GRID1: variants seen among roughly 807,000 people sequenced by gnomAD.
GRID1 encodes glutamate ionotropic receptor delta type subunit 1.
GRID1 carries 28 observed loss-of-function variants against 98.0 expected under a neutral mutation model. The observed-to-expected ratio is 0.29, with a 90% confidence interval of 0.21 to 0.39. GRID1 has a LOEUF of 0.39. Ranked by LOEUF, GRID1 falls within the 10% of genes least tolerant of loss-of-function variation. The pLI is 1.00. For missense variants in GRID1, 1,111 were observed against 1,340.5 expected (o/e 0.83, Z 2.67); for synonymous variants, 553 against 538.5 (o/e 1.03, Z -0.37).
chr10:86,014,702 T>A (rs1842959954), intron 4 of GRID1, among the ~76,000 whole-genome samples: 1 of 152,224 alleles, frequency 6.6e-6, no homozygotes, highest in Non-Finnish European at 1.5e-5. Context: ...ACTCAGTCAA[T>A]GGCTCACTTT....
intron 8 of GRID1, among the ~76,000 whole-genome samples, chr10:85,818,607 T>C (rs1451405477): frequency 3.9e-5 from 6 of 152,146 alleles, no homozygotes; most frequent in African/African-American, 1.4e-4. Flanking sequence ...CAGAGCATCT[T>C]ATAGCATGAG....
intron 5 of GRID1, among the ~76,000 whole-genome samples, chr10:85,875,740 C>A (rs1004068893): frequency 3.3e-5 from 5 of 152,316 alleles, no homozygotes; most frequent in Non-Finnish European, 7.4e-5. Context: ...CTTCCAATCA[C>A]CATTATCCCA....
chr10:86,198,231 C>T (rs1204059191), intron 3 of GRID1, among the ~76,000 whole-genome samples: 1 of 152,074 alleles, frequency 6.6e-6, no homozygotes, highest in Non-Finnish European at 1.5e-5. Context: ...GATGGCTCTT[C>T]GGAGCCACCT....
At chr10:86,018,591 G>A (rs886290558) in intron 4 of GRID1, among the ~76,000 whole-genome samples, 9 of 152,212 alleles carry the variant, frequency 5.9e-5, no homozygotes, top group Admixed American at 3.3e-4. Context: ...GCACGTGACT[G>A]CAGGTGCCCA....
intron 2 of GRID1, among the ~76,000 whole-genome samples, chr10:86,262,548 T>G (rs549264517): frequency 1.6e-4 from 25 of 152,284 alleles, no homozygotes; most frequent in African/African-American, 5.3e-4. Flanking sequence ...GGAGGGCGCC[T>G]TCTGGAGGAA....
chr10:85,819,806 C>T (rs112760396), intron 8 of GRID1, among the ~76,000 whole-genome samples: 10,422 of 151,794 alleles, frequency 0.069, 399 homozygotes, highest in Non-Finnish European at 0.082. Flanking sequence ...CCCAGCTACT[C>T]GAGAGGCTGA....
chr10:85,966,074 A>G (rs1343710826), intron 4 of GRID1, among the ~76,000 whole-genome samples: 1 of 152,184 alleles, frequency 6.6e-6, no homozygotes, highest in African/African-American at 2.4e-5. Context: ...CATTGTCACA[A>G]TTTGACGTGT....
intron 4 of GRID1, among the ~76,000 whole-genome samples, chr10:85,994,712 A>G (rs1842721228): frequency 6.6e-6 from 1 of 152,248 alleles, no homozygotes; most frequent in Non-Finnish European, 1.5e-5. Flanking sequence ...CTGGTAGTCC[A>G]GAAACCATGG....
rs567696093 is a variant in GRID1 at position 85,618,192 on chromosome 10, C to T, written c.2360+1675G>A. Among the ~76,000 whole-genome samples, 4 of 152,314 alleles carry T rather than the reference C, an allele frequency of 2.6e-5. No homozygotes were observed. The South Asian group carries it at 8.3e-4, about 32-fold the overall frequency. ...GTTCACTTCAGCAGACTCTCAGGAG[C>T]CATCTGAGCAGTGTGAGCACACGGG... On this transcript the variant is annotated intron_variant, in intron 14 of 15. Transcript: ENST00000327946.
intron 2 of GRID1, among the ~76,000 whole-genome samples, chr10:86,291,667 A>G (rs1229877604): frequency 6.6e-6 from 1 of 152,210 alleles, no homozygotes; most frequent in Non-Finnish European, 1.5e-5. Context: ...GCAAGATCAC[A>G]CAGCGCTAAG....
intron 6 of GRID1, among the ~76,000 whole-genome samples, chr10:85,863,186 C>G (rs770632887): frequency 6.6e-6 from 1 of 152,184 alleles, no homozygotes; most frequent in Non-Finnish European, 1.5e-5. Flanking sequence ...GTTCTGAAGC[C>G]TGGCAAGTAC....
chr10:85,965,432 TAC>T (rs1842324121), intron 4 of GRID1, among the ~76,000 whole-genome samples: 1 of 152,152 alleles, frequency 6.6e-6, no homozygotes, highest in South Asian at 2.1e-4. Flanking sequence ...GTGGCACATA[TAC>T]ACCGTGGAAT....
At chr10:86,338,654 T>C (rs562216178) in intron 2 of GRID1, among the ~76,000 whole-genome samples, 114 of 151,922 alleles carry the variant, frequency 7.5e-4, no homozygotes, top group African/African-American at 2.7e-3. Flanking sequence ...GCCTCCCGGG[T>C]TCAAACAGTT....
At chr10:85,720,536 T>G (rs1020274148) in intron 12 of GRID1, among the ~76,000 whole-genome samples, 1 of 151,760 alleles carries the variant, frequency 6.6e-6, no homozygotes, top group Non-Finnish European at 1.5e-5. Flanking sequence ...TCCAACTGTT[T>G]TCTCACAAAA....
At chr10:85,950,221 AAGCCCAGAGC>A (rs1321371881) in intron 4 of GRID1, among the ~76,000 whole-genome samples, 1 of 152,200 alleles carries the variant, frequency 6.6e-6, no homozygotes, top group Non-Finnish European at 1.5e-5. Context: ...AAGAGCCATT[AAGCCCAGAGC>A]AGTGCACCTG....
At chr10:86,066,404 G>A (rs1843720882) in intron 4 of GRID1, among the ~76,000 whole-genome samples, 1 of 152,174 alleles carries the variant, frequency 6.6e-6, no homozygotes, top group South Asian at 2.1e-4. Context: ...AATGGGCTGT[G>A]TGCCAGGGGT....
intron 12 of GRID1, among the ~76,000 whole-genome samples, chr10:85,701,051 A>G (rs1175080798): frequency 2.0e-5 from 3 of 152,184 alleles, no homozygotes; most frequent in Non-Finnish European, 4.4e-5. Context: ...TGAACAGGCC[A>G]TTTTTTAAAA....
intron 12 of GRID1, among the ~76,000 whole-genome samples, chr10:85,691,003 A>G (rs758013570): frequency 1.3e-5 from 2 of 152,214 alleles, no homozygotes; most frequent in Non-Finnish European, 2.9e-5. Context: ...GTGAATGCCA[A>G]CACAATGCTG....
chr10:85,632,646 T>C (rs976477632), intron 13 of GRID1, among the ~76,000 whole-genome samples: 1 of 152,172 alleles, frequency 6.6e-6, no homozygotes, highest in African/African-American at 2.4e-5. Flanking sequence ...CAGGAACAAG[T>C]GGTTCTCGTG....
Sources: gnomAD v4.1 joint callset for allele counts (sites outside exome capture counted in the v4.1 genomes callset) on GRCh38, gnomAD v4.1.1 for gene constraint, MANE v1.5 for transcripts, NCBI Gene and HGNC (gene_info 2026-07-23, HGNC 2026-07-21) for gene names.